MED13L: variants seen among roughly 807,000 people sequenced by gnomAD.
MED13L encodes mediator complex subunit 13L.
A neutral mutation model predicts 220.9 loss-of-function variants in MED13L; 7 were observed. That is an observed-to-expected ratio of 0.03 (90% CI 0.02 to 0.06). MED13L has a LOEUF of 0.06. Among genes scored for constraint, MED13L ranks in the 10% least tolerant of loss-of-function variants. MED13L has a pLI of 1.00. For missense variants in MED13L, 1,965 were observed against 2,760.5 expected, an observed-to-expected ratio of 0.71 and a Z score of 6.46; for synonymous variants, 1,011 against 1,015.2, an observed-to-expected ratio of 1.00 and a Z score of 0.08.
intron 2 of MED13L, among the ~76,000 whole-genome samples, chr12:116,209,990 A>G (rs1882588017): frequency 6.6e-6 from 1 of 152,166 alleles, no homozygotes; most frequent in Non-Finnish European, 1.5e-5. Context: ...AAATTTTTCT[A>G]ATGTTTTGGG....
At chr12:116,262,974 A>G (rs2138563692) in intron 1 of MED13L, among the ~76,000 whole-genome samples, 2 of 152,330 alleles carry the variant, frequency 1.3e-5, no homozygotes, top group South Asian at 4.1e-4. Flanking sequence ...ACACTTTTCA[A>G]GTTAAAGCGA....
At chr12:116,276,952 G>C in intron 1 of MED13L, 108 bp downstream of exon 1, 2 of 1,237,276 alleles carry the variant, frequency 1.6e-6, no homozygotes, top group South Asian at 1.3e-5. Flanking sequence ...GGAGACGCGA[G>C]GGAGGGGCGA....
chr12:116,270,210 C>CGAGA (rs1873183286), intron 1 of MED13L, among the ~76,000 whole-genome samples: 1 of 151,566 alleles, frequency 6.6e-6, no homozygotes, highest in Non-Finnish European at 1.5e-5. Flanking sequence ...GGCACCATCT[C>CGAGA]GGCTCACTGA....
intron 4 of MED13L, among the ~76,000 whole-genome samples, chr12:116,071,964 G>T (rs1870406079): frequency 6.6e-6 from 1 of 152,234 alleles, no homozygotes; most frequent in Non-Finnish European, 1.5e-5. Flanking sequence ...GAAGGATACA[G>T]AAGTTGTCAT....
intron 2 of MED13L, among the ~76,000 whole-genome samples, chr12:116,190,437 A>C (rs2138262904): frequency 6.6e-6 from 1 of 152,340 alleles, no homozygotes; most frequent in Non-Finnish European, 1.5e-5. Context: ...ATTTTTGTTA[A>C]GTATGGAACT....
chr12:115,961,107 G>T lies in MED13L; in HGVS notation c.*159C>A. On this transcript the variant is annotated 3_prime_UTR_variant, in exon 31 of 31. Transcript: ENST00000281928. ...AGGAGTCACTCTGGTAATGAACACT[G>T]CAGAATTGACATGTGCCTGCTGAGA... 1.0e-6 allele frequency: 1 copy of T among 961,142 alleles called. No homozygotes were observed. The highest frequency in any genetic ancestry group is 1.6e-6 in the Non-Finnish European group (1 of 623,792). The allele number at this position is 961,142 out of a possible 1,614,324, so 59.5% of individuals were successfully genotyped here.
At chr12:116,096,394 G>T (rs1049297568) in intron 4 of MED13L, among the ~76,000 whole-genome samples, 2 of 112,610 alleles carry the variant, frequency 1.8e-5, no homozygotes, top group African/African-American at 6.8e-5. Flanking sequence ...CAAAGATGAG[G>T]AAGGAAAATG....
chr12:116,203,995 CA>C (rs1244746127), intron 2 of MED13L, among the ~76,000 whole-genome samples: 1 of 152,140 alleles, frequency 6.6e-6, no homozygotes, highest in Admixed American at 6.5e-5. Flanking sequence ...AAGAAAATTA[CA>C]TGTCGTAATG....
chr12:116,097,713 T>C (rs2137822108), intron 3 of MED13L, among the ~76,000 whole-genome samples: 1 of 152,352 alleles, frequency 6.6e-6, no homozygotes. Context: ...ATGCCACTTG[T>C]GTATGTCATT....
intron 16 of MED13L, 82 bp downstream of exon 16, chr12:115,996,394 T>C (rs1007459221): frequency 2.0e-6 from 3 of 1,514,564 alleles, no homozygotes; most frequent in Non-Finnish European, 2.7e-6. Flanking sequence ...GCCCGGACCT[T>C]GTCATCATTT....
At chr12:116,172,518 T>C (rs1274601202) in intron 2 of MED13L, among the ~76,000 whole-genome samples, 1 of 152,222 alleles carries the variant, frequency 6.6e-6, no homozygotes, top group Non-Finnish European at 1.5e-5. Flanking sequence ...AATGCAAGTA[T>C]ATTTTATACA....
intron 2 of MED13L, among the ~76,000 whole-genome samples, chr12:116,178,171 G>C (rs558996711): frequency 6.6e-6 from 1 of 152,150 alleles, no homozygotes; most frequent in South Asian, 2.1e-4. Context: ...TAGCCTCCCA[G>C]ATACAATTGT....
intron 4 of MED13L, among the ~76,000 whole-genome samples, chr12:116,092,886 G>A (rs1174569395): frequency 2.0e-5 from 3 of 152,192 alleles, no homozygotes; most frequent in South Asian, 2.1e-4. Flanking sequence ...TTGCCCAAGA[G>A]TCAGTGACAG....
chr12:116,177,086 A>G (rs1431884228), intron 2 of MED13L, among the ~76,000 whole-genome samples: 1 of 152,122 alleles, frequency 6.6e-6, no homozygotes, highest in Non-Finnish European at 1.5e-5. Flanking sequence ...AGGTATGTTA[A>G]GGGTACAGTT....
chr12:116,082,159 T>A (rs1292059555), intron 4 of MED13L, among the ~76,000 whole-genome samples: 2 of 152,230 alleles, frequency 1.3e-5, no homozygotes, highest in Non-Finnish European at 2.9e-5. Context: ...CAACTTATTT[T>A]ACTCCCAATT....
rs1875723987 is a variant in MED13L at position 115,961,041 on chromosome 12, C to T, written c.*225G>A. 13 of 611,934 alleles carry T rather than the reference C, an allele frequency of 2.1e-5. No individual in the cohort carries two copies. The South Asian group carries it at 2.2e-4, about 10-fold the overall frequency. 37.9% of individuals were successfully genotyped at this position (611,934 alleles called of 1,614,324 possible). On this transcript the variant is annotated 3_prime_UTR_variant, in exon 31 of 31. Coordinates refer to ENST00000281928, the MANE Select transcript of MED13L (RefSeq NM_015335.5). ...ACACACCACCGCACTGGCTGAAAGT[C>T]ACCACTTATGGAAGTTTCCAGGTCC...
chr12:116,164,121 G>A (rs1291663786), intron 2 of MED13L, among the ~76,000 whole-genome samples: 1 of 152,056 alleles, frequency 6.6e-6, no homozygotes, highest in Non-Finnish European at 1.5e-5. Flanking sequence ...CTATGACTGG[G>A]TTCAATGCTT....
chr12:116,186,443 G>C (rs1044602822), intron 2 of MED13L, among the ~76,000 whole-genome samples: 5 of 152,118 alleles, frequency 3.3e-5, no homozygotes, highest in African/African-American at 1.2e-4. Context: ...TTTCATTCCT[G>C]TTTAGGTGCT....
At position 116,022,541 on chromosome 12, in the gene MED13L, A is replaced by C; in HGVS notation, c.540T>G (p.Ser180Arg). ...FLHGESNVCT[S>R]VEIAQHQPIY... ...TTGGCTGGTGCTGGGCAATCTCCAC[A>C]CTTGTGCATACATTACTTTCTCCAT... is the stretch of plus-strand genomic sequence containing the variant. The change falls in exon 5 of 31, where the codon AGT becomes AGG. Residue 180 changes from serine to arginine, a missense_variant. Transcript: ENST00000281928. 6.2e-7 allele frequency: 1 copy of C among 1,613,316 alleles called. No individual in the cohort carries two copies. Among genetic ancestry groups the C allele is most frequent in the Non-Finnish European group, 8.5e-7 (1 of 1,179,686 alleles).
Sources: gnomAD v4.1 joint callset for allele counts (sites outside exome capture counted in the v4.1 genomes callset) on GRCh38, gnomAD v4.1.1 for gene constraint, MANE v1.5 for transcripts, NCBI Gene and HGNC (gene_info 2026-07-23, HGNC 2026-07-21) for gene names.